The following SHC3 variants were observed in gnomAD, a reference collection of about 807,000 sequenced individuals.
The protein encoded by SHC3 is SHC-transforming protein 3.
In SHC3, 15 loss-of-function variants were observed where a neutral mutation model predicts 60.4. The observed-to-expected ratio is 0.25, with a 90% confidence interval of 0.17 to 0.38. SHC3 has a LOEUF of 0.38. SHC3 is among the 10% of genes least tolerant of loss of function. The probability of loss-of-function intolerance (pLI) is 1.00; values close to 1 mark genes in which losing one functional copy is unlikely to be tolerated. For missense variants in SHC3, 677 were observed against 786.1 expected, an observed-to-expected ratio of 0.86 and a Z score of 1.66; for synonymous variants, 294 against 325.9, an observed-to-expected ratio of 0.90 and a Z score of 1.05.
In SHC3 at chr9:89,075,354, A is replaced by C. The variant is rs11137506; in HGVS notation, c.610-126T>G. 1.2e-3 allele frequency: 1,501 copies of C among 1,265,498 alleles called. 2 individuals are homozygous for C. The highest frequency in any genetic ancestry group is 1.5e-3 in the Non-Finnish European group (1,375 of 921,058). 78.4% of individuals were successfully genotyped at this position (1,265,498 alleles called of 1,614,324 possible). On this transcript the variant is annotated intron_variant, in intron 3 of 11. Transcript: ENST00000375835. ...CCCTCCTTAGGCATAAGAAGACAAA[A>C]TGTGAAATGAATAAGCTGGGAGTAG...
intron 1 of SHC3, among the ~76,000 whole-genome samples, chr9:89,142,959 A>C (rs1266262973): frequency 6.6e-6 from 1 of 152,114 alleles, no homozygotes; most frequent in East Asian, 1.9e-4. Flanking sequence ...TGTCCCTTCC[A>C]TGGTCACCAG....
intron 2 of SHC3, chr9:89,089,061 G>A (rs1425720653): frequency 1.3e-5 from 2 of 152,220 alleles, no homozygotes; most frequent in African/African-American, 2.4e-5. Flanking sequence ...CTATCGACTC[G>A]GTGGCACTGT....
chr9:89,137,743 A>G (rs1467116560), intron 1 of SHC3, among the ~76,000 whole-genome samples: 1 of 152,202 alleles, frequency 6.6e-6, no homozygotes, highest in Non-Finnish European at 1.5e-5. Flanking sequence ...AAAGAATTCA[A>G]AGAAATAATG....
At chr9:89,027,939 C>T (rs546266287) in intron 11 of SHC3, among the ~76,000 whole-genome samples, 13 of 152,322 alleles carry the variant, frequency 8.5e-5, no homozygotes, top group African/African-American at 3.1e-4. Context: ...CTGCAGCTCC[C>T]GCTGCTCCCA....
At chr9:89,080,845 C>T (rs1034348680) in intron 2 of SHC3, among the ~76,000 whole-genome samples, 5 of 150,002 alleles carry the variant, frequency 3.3e-5, no homozygotes, top group African/African-American at 1.2e-4. Context: ...CAGCTCACTG[C>T]AAGCTCCGCC....
rs191313639 is a variant in SHC3, at chr9:89,146,186, G to A, written c.474+31801C>T. ...GCCTGGTCAACATGGTGAAACCCCC[G>A]TTTCTACTAAAAATACAAAAATTAG... On this transcript the variant is annotated intron_variant, in intron 1 of 11. Transcript: ENST00000375835. Among the ~76,000 whole-genome samples, 76 of 151,958 alleles carry A rather than the reference G, an allele frequency of 5.0e-4. 1 individual carries two copies. In the East Asian group the frequency reaches 9.9e-3, roughly 20 times the overall value.
Position 89,145,013 on chromosome 9 carries a change from A to AT in SHC3, c.475-32388dup, listed in dbSNP as rs1174044201. Among the ~76,000 whole-genome samples the AT allele has an allele frequency of 3.3e-5, 5 of 151,968 alleles. No individual in the cohort carries two copies. The East Asian group carries it at 5.8e-4, about 18-fold the overall frequency. On this transcript the variant is annotated intron_variant, in intron 1 of 11. Coordinates refer to ENST00000375835, the MANE Select transcript of SHC3 (RefSeq NM_016848.6). ...ATACATGTATATCATGATGGAGAGA[A>AT]TTTTTTTTTCCCATTTAAAAATCGA...
intron 6 of SHC3, among the ~76,000 whole-genome samples, chr9:89,061,724 T>C (rs1825093272): frequency 6.6e-6 from 1 of 152,214 alleles, no homozygotes; most frequent in Non-Finnish European, 1.5e-5. Context: ...TTCATAAGTT[T>C]TAAATTGCAC....
At chr9:89,152,269 T>C (rs1340577293) in intron 1 of SHC3, among the ~76,000 whole-genome samples, 2 of 152,264 alleles carry the variant, frequency 1.3e-5, no homozygotes, top group African/African-American at 2.4e-5. Context: ...AGCCGAATCC[T>C]ATGGGTTGTT....
At chr9:89,053,096 A>C (rs575082613) in intron 6 of SHC3, among the ~76,000 whole-genome samples, 2 of 152,354 alleles carry the variant, frequency 1.3e-5, no homozygotes, top group South Asian at 2.1e-4. Flanking sequence ...ATAAGCGTCC[A>C]CATGTCCCTC....
At chr9:89,170,689 G>C (rs1826856800) in intron 1 of SHC3, among the ~76,000 whole-genome samples, 1 of 151,870 alleles carries the variant, frequency 6.6e-6, no homozygotes, top group African/African-American at 2.4e-5. Context: ...GAATACAGTT[G>C]GCCCTCCAAA....
rs767749960 is a variant in SHC3, at chr9:89,013,468, C to G, written c.1764G>C (p.Gln588His). The G allele has an allele frequency of 6.2e-7, 1 of 1,613,326 alleles. No individual in the cohort carries two copies. ...CAGGTCACTGCTTCCTCTCCACTGG[C>G]TGCTGGAGACACAGCTCACTCCCTG... Reference protein sequence around the residue: ...VSAGSELCLQQPVERKQ With the variant: ...VSAGSELCLQHPVERKQ Residue 588 changes from glutamine to histidine, a missense_variant, in exon 12 of 12, where the codon CAG (glutamine) becomes CAC (histidine). Coordinates refer to ENST00000375835, the MANE Select transcript of SHC3 (RefSeq NM_016848.6).
intron 2 of SHC3, among the ~76,000 whole-genome samples, chr9:89,095,607 G>A (rs1440554361): frequency 3.3e-5 from 5 of 151,966 alleles, no homozygotes; most frequent in Admixed American, 3.3e-4. Flanking sequence ...ACTTTATGTG[G>A]TATATATTTT....
At chr9:89,061,212 T>TA (rs200959593) in intron 6 of SHC3, among the ~76,000 whole-genome samples, 2,693 of 152,120 alleles carry the variant, frequency 0.018, 27 homozygotes, top group South Asian at 0.028. Context: ...ACCACCTGGT[T>TA]AAAAAAAATA....
At chr9:89,098,511 G>C (rs555185149) in intron 2 of SHC3, among the ~76,000 whole-genome samples, 2 of 152,272 alleles carry the variant, frequency 1.3e-5, no homozygotes, top group Non-Finnish European at 2.9e-5. Context: ...TTCTCAAATA[G>C]TTCAGAAAAA....
chr9:89,134,118 C>A (rs1384117810), intron 1 of SHC3, among the ~76,000 whole-genome samples: 1 of 152,002 alleles, frequency 6.6e-6, no homozygotes, highest in Non-Finnish European at 1.5e-5. Flanking sequence ...TAAAAGTTAA[C>A]AGTGCAATAT....
intron 1 of SHC3, among the ~76,000 whole-genome samples, chr9:89,133,612 G>C (rs1180440460): frequency 6.6e-6 from 1 of 152,102 alleles, no homozygotes; most frequent in East Asian, 1.9e-4. Flanking sequence ...TCCTTTGTAG[G>C]GACATGGATG....
chr9:89,035,113 C>T (rs34183519), intron 11 of SHC3, among the ~76,000 whole-genome samples: 12,386 of 152,248 alleles, frequency 0.081, 676 homozygotes, highest in Admixed American at 0.12. Context: ...TGCGGGTTCC[C>T]AGAGCTCAGG....
chr9:89,036,893 T>G (rs1824587350), intron 11 of SHC3, among the ~76,000 whole-genome samples: 1 of 150,958 alleles, frequency 6.6e-6, no homozygotes, highest in African/African-American at 2.4e-5. Flanking sequence ...GTCGCCACCA[T>G]GCCTGGCTAA....
Sources: allele counts gnomAD v4.1 joint callset (sites outside exome capture counted in the v4.1 genomes callset), GRCh38; gene constraint gnomAD v4.1.1; transcripts MANE v1.5; gene names NCBI Gene and HGNC (gene_info 2026-07-23, HGNC 2026-07-21).